PCDH15: variants seen among roughly 807,000 people sequenced by gnomAD.
The protein encoded by PCDH15 is protocadherin related 15, also known as protocadherin-15.
PCDH15 carries 129 observed loss-of-function variants against 178.5 expected under a neutral mutation model. The ratio of observed to expected loss-of-function variants is 0.72; its 90% confidence interval spans 0.63 to 0.84. The LOEUF is 0.84. PCDH15 is among the 40% of genes least tolerant of loss of function. The pLI is 0.00. For missense variants in PCDH15, 2,230 were observed against 2,099.9 expected (o/e 1.06, Z -1.21); for synonymous variants, 800 against 732.0 (o/e 1.09, Z -1.50).
At chr10:54,296,989 T>C (rs886889029) in intron 8 of PCDH15, among the ~76,000 whole-genome samples, 2 of 152,070 alleles carry the variant, frequency 1.3e-5, no homozygotes, top group African/African-American at 4.8e-5. Context: ...TCATTCCTCC[T>C]TGTGGTCTAG....
rs1042660239 is a variant in PCDH15 at position 55,202,445 on chromosome 10, C to T, written c.-155-35794G>A. Among the ~76,000 whole-genome samples, 19 of 152,216 alleles carry T rather than the reference C, an allele frequency of 1.2e-4. No homozygotes were observed. In the Middle Eastern group the frequency reaches 0.01, roughly 82 times the overall value. On this transcript the variant is annotated intron_variant, in intron 1 of 5. Coordinates refer to the PCDH15 transcript ENST00000458638. ...TAAAGATAATATAGTGCTCCAGTTA[C>T]AAGGTATGTGCCTTTCTGCTTCAAA...
chr10:55,292,205 A>G (rs568880258), intron 1 of PCDH15, among the ~76,000 whole-genome samples: 1 of 152,166 alleles, frequency 6.6e-6, no homozygotes, highest in Admixed American at 6.5e-5. Flanking sequence ...TCTGCCTATA[A>G]GCCTTAAAAT....
chr10:55,506,605 C>G (rs1208395895), intron 2 of PCDH15, among the ~76,000 whole-genome samples: 1 of 151,394 alleles, frequency 6.6e-6, no homozygotes, highest in African/African-American at 2.4e-5. Flanking sequence ...GAAGAGGTAT[C>G]GAGGAGGAAC....
intron 28 of PCDH15, among the ~76,000 whole-genome samples, chr10:53,855,602 T>C (rs550549058): frequency 6.6e-6 from 1 of 152,138 alleles, no homozygotes; most frequent in South Asian, 2.1e-4. Flanking sequence ...CCGTGCCTAC[T>C]GTATTTTATT....
intron 18 of PCDH15, among the ~76,000 whole-genome samples, chr10:54,032,372 T>G (rs1209759064): frequency 6.6e-6 from 1 of 152,014 alleles, no homozygotes; most frequent in Non-Finnish European, 1.5e-5. Context: ...CACATGAAAT[T>G]AAGAATTCAT....
intron 2 of PCDH15, among the ~76,000 whole-genome samples, chr10:54,586,393 G>C (rs2091469655): frequency 6.6e-6 from 1 of 152,052 alleles, no homozygotes; most frequent in Admixed American, 6.6e-5. Context: ...TGGTGGAGTA[G>C]AAATAATAAT....
chr10:55,588,355 C>G (rs1471251119), intron 2 of PCDH15, among the ~76,000 whole-genome samples: 1 of 152,062 alleles, frequency 6.6e-6, no homozygotes, highest in Non-Finnish European at 1.5e-5. Context: ...TTTTACTGTT[C>G]AAAGCTGACA....
At chr10:54,729,863 A>C in intron 1 of PCDH15, among the ~76,000 whole-genome samples, 1 of 151,386 alleles carries the variant, frequency 6.6e-6, no homozygotes, top group Non-Finnish European at 1.5e-5. Context: ...GTATCTTACA[A>C]CGCTCAGAAT....
At chr10:55,410,927 C>A (rs1318781919) in intron 2 of PCDH15, among the ~76,000 whole-genome samples, 1 of 151,904 alleles carries the variant, frequency 6.6e-6, no homozygotes, top group Non-Finnish European at 1.5e-5. Context: ...AGGCACCCTC[C>A]CAGTGTTCAG....
chr10:53,867,491 ATAAG>A (rs563534402), intron 26 of PCDH15, among the ~76,000 whole-genome samples: 9 of 152,264 alleles, frequency 5.9e-5, no homozygotes, highest in Non-Finnish European at 7.4e-5. Flanking sequence ...TATGTACCCA[ATAAG>A]TAAGTACTAT....
At chr10:55,064,523 G>C (rs1451786700) in intron 2 of PCDH15, among the ~76,000 whole-genome samples, 1 of 151,980 alleles carries the variant, frequency 6.6e-6, no homozygotes, top group Non-Finnish European at 1.5e-5. Flanking sequence ...GAAAAAAATT[G>C]AAATCATTGT....
intron 8 of PCDH15, among the ~76,000 whole-genome samples, chr10:54,291,173 C>A (rs928032466): frequency 6.6e-6 from 1 of 152,242 alleles, no homozygotes; most frequent in South Asian, 2.1e-4. Flanking sequence ...GAAACTCACT[C>A]AAAAATGCAC....
chr10:54,038,914 C>G (rs2093478559), intron 18 of PCDH15, among the ~76,000 whole-genome samples: 2 of 151,980 alleles, frequency 1.3e-5, no homozygotes, highest in Admixed American at 1.3e-4. Context: ...ATTATTACCT[C>G]AAAGGTGAAA....
At chr10:54,033,600 A>T (rs982099207) in intron 18 of PCDH15, among the ~76,000 whole-genome samples, 1 of 151,922 alleles carries the variant, frequency 6.6e-6, no homozygotes, top group Admixed American at 6.6e-5. Context: ...CTGAGCTTGT[A>T]CTCAATACTC....
intron 2 of PCDH15, among the ~76,000 whole-genome samples, chr10:54,625,172 C>A (rs553717894): frequency 6.6e-6 from 1 of 152,274 alleles, no homozygotes; most frequent in African/African-American, 2.4e-5. Context: ...CTGGCACTTA[C>A]AGAAATAAAG....
At chr10:53,842,721 A>C (rs2077735076) in intron 28 of PCDH15, among the ~76,000 whole-genome samples, 1 of 152,178 alleles carries the variant, frequency 6.6e-6, no homozygotes, top group Non-Finnish European at 1.5e-5. Context: ...CTTGTCTCAA[A>C]TTCATTCAAG....
chr10:54,942,509 T>C (rs994835291), intron 2 of PCDH15, among the ~76,000 whole-genome samples: 3 of 152,080 alleles, frequency 2.0e-5, no homozygotes, highest in Non-Finnish European at 4.4e-5. Context: ...AATAACATGT[T>C]TTAAATATTC....
intron 18 of PCDH15, among the ~76,000 whole-genome samples, chr10:54,034,223 T>C (rs997368532): frequency 6.6e-6 from 1 of 151,928 alleles, no homozygotes; most frequent in African/African-American, 2.4e-5. Flanking sequence ...CCCAATACTA[T>C]CAATCATTTC....
chr10:54,425,923 G>A (rs184723521), intron 3 of PCDH15, among the ~76,000 whole-genome samples: 1 of 152,240 alleles, frequency 6.6e-6, no homozygotes, highest in African/African-American at 2.4e-5. Flanking sequence ...GACCAGAATA[G>A]TCACAGCAGT....
Sources: allele counts gnomAD v4.1 joint callset (sites outside exome capture counted in the v4.1 genomes callset), GRCh38; gene constraint gnomAD v4.1.1; transcripts MANE v1.5; gene names NCBI Gene and HGNC (gene_info 2026-07-23, HGNC 2026-07-21).